STAG1: variants seen among roughly 807,000 people sequenced by gnomAD.
STAG1 encodes the protein cohesin subunit SA-1.
Under a neutral mutation model 170.9 loss-of-function variants are expected in STAG1, and 26 were observed. The observed-to-expected ratio is 0.15, with a 90% CI of 0.11 to 0.21. The LOEUF is 0.21. Among genes scored for constraint, STAG1 ranks in the 10% least tolerant of loss-of-function variants. The probability of loss-of-function intolerance (pLI) is 1.00; values close to 1 mark genes in which losing one functional copy is unlikely to be tolerated. For synonymous variants in STAG1, 514 were observed against 497.7 expected (o/e 1.03, Z -0.44); for missense variants, 964 against 1,509.5 (o/e 0.64, Z 5.99).
At chr3:136,691,252 G>A (rs912125481) in intron 1 of STAG1, among the ~76,000 whole-genome samples, 6 of 151,988 alleles carry the variant, frequency 3.9e-5, no homozygotes, top group Non-Finnish European at 7.4e-5. Flanking sequence ...TGGCTGACAC[G>A]GTGAAACCCC....
At chr3:136,498,233 TACAC>T (rs1276688144) in intron 9 of STAG1, among the ~76,000 whole-genome samples, 24 of 57,340 alleles carry the variant, frequency 4.2e-4, no homozygotes, top group African/African-American at 1.3e-3. Context: ...TATATATATA[TACAC>T]ATACATATAC....
At chr3:136,676,201 GGTGA>G (rs772334336) in intron 1 of STAG1, among the ~76,000 whole-genome samples, 18 of 152,178 alleles carry the variant, frequency 1.2e-4, no homozygotes, top group Non-Finnish European at 1.8e-4. Context: ...AGTTGCTCTA[GGTGA>G]GTGAGTGAGT....
At chr3:136,569,017 C>T (rs1029671546) in intron 4 of STAG1, among the ~76,000 whole-genome samples, 156 bp from the exon 5 acceptor site, 4 of 152,060 alleles carry the variant, frequency 2.6e-5, no homozygotes, top group Non-Finnish European at 5.9e-5. Context: ...AAAGTAGAGA[C>T]TCCCTTATTT....
intron 1 of STAG1, among the ~76,000 whole-genome samples, chr3:136,720,420 G>A (rs1933173909): frequency 6.6e-6 from 1 of 152,170 alleles, no homozygotes; most frequent in South Asian, 2.1e-4. Context: ...CCAGGAGAAT[G>A]TGTCCTGACC....
At chr3:136,567,072 G>A (rs1042372030) in intron 5 of STAG1, among the ~76,000 whole-genome samples, 4 of 152,198 alleles carry the variant, frequency 2.6e-5, no homozygotes, top group African/African-American at 9.7e-5. Flanking sequence ...AGTTAACTAT[G>A]TGTAGATGGA....
chr3:136,379,419 G>A (rs534645626), intron 22 of STAG1, among the ~76,000 whole-genome samples: 1 of 152,260 alleles, frequency 6.6e-6, no homozygotes, highest in East Asian at 1.9e-4. Flanking sequence ...ATTCAAAAAA[G>A]CAGAGGTGGC....
chr3:136,576,444 C>CA (rs1185234961), intron 4 of STAG1, among the ~76,000 whole-genome samples: 2 of 152,056 alleles, frequency 1.3e-5, no homozygotes, highest in African/African-American at 4.8e-5. Context: ...AAAGCTATAA[C>CA]AAGCAGCATC....
At chr3:136,644,702 A>ATT (rs556844163) in intron 1 of STAG1, among the ~76,000 whole-genome samples, 2 of 147,900 alleles carry the variant, frequency 1.4e-5, no homozygotes, top group African/African-American at 5.0e-5. Context: ...TATTTCTGTC[A>ATT]TTTTTTTTTT....
chr3:136,611,196 C>G (rs796924108), intron 3 of STAG1, among the ~76,000 whole-genome samples: 19 of 152,232 alleles, frequency 1.2e-4, no homozygotes, highest in African/African-American at 4.6e-4. Flanking sequence ...GCCGCCCAGG[C>G]TGGATTGCAA....
chr3:136,528,506 A>ACC (rs1364904619), intron 6 of STAG1, among the ~76,000 whole-genome samples: 1 of 40,698 alleles, frequency 2.5e-5, no homozygotes, highest in East Asian at 3.3e-4. Context: ...CCCCCCCCCC[A>ACC]AAAAATCACT....
At chr3:136,411,858 T>C (rs775510860) in intron 21 of STAG1, among the ~76,000 whole-genome samples, 4 of 151,616 alleles carry the variant, frequency 2.6e-5, no homozygotes, top group Non-Finnish European at 4.4e-5. Context: ...AGGCAGAGAA[T>C]TGCTTGAACC....
rs1043461342 is a variant in STAG1 at position 136,715,026 on chromosome 3, T to TA, written c.-84+37168dup. Among the ~76,000 whole-genome samples, 5 of 122,936 alleles carry TA rather than the reference T, an allele frequency of 4.1e-5. No homozygotes were observed. The Admixed American group carries it at 4.5e-4, about 11-fold the overall frequency. 80.7% of individuals were successfully genotyped at this position (122,936 alleles called of 152,430 possible). A position where few individuals can be genotyped will look rare whatever the true frequency, so the allele number is the denominator to read the frequency against. ...ATAATATATATATAAAATATATATA[T>TA]AAAATAAAAGTCAAGATAATTGTTC... On this transcript the variant is annotated intron_variant, in intron 1 of 33. Transcript: ENST00000383202.
intron 26 of STAG1, among the ~76,000 whole-genome samples, chr3:136,360,080 T>A (rs533433169): frequency 6.3e-4 from 96 of 152,334 alleles, no homozygotes; most frequent in African/African-American, 2.3e-3. Flanking sequence ...AAATTGCATA[T>A]CTGTTAGCTA....
chr3:136,694,203 C>T (rs1446228804), intron 1 of STAG1, among the ~76,000 whole-genome samples: 1 of 152,128 alleles, frequency 6.6e-6, no homozygotes, highest in Non-Finnish European at 1.5e-5. Context: ...CAAGTTGATA[C>T]TTATCCCAAT....
intron 3 of STAG1, among the ~76,000 whole-genome samples, chr3:136,615,063 C>T (rs1302126212): frequency 6.6e-6 from 1 of 151,152 alleles, no homozygotes; most frequent in Non-Finnish European, 1.5e-5. Flanking sequence ...TTTTTAGTAC[C>T]GAGAAGCAGG....
intron 7 of STAG1, among the ~76,000 whole-genome samples, chr3:136,504,342 A>G (rs1933646232): frequency 6.6e-6 from 1 of 152,228 alleles, no homozygotes; most frequent in Non-Finnish European, 1.5e-5. Context: ...ATTAGTGACC[A>G]GAAATGGATT....
At chr3:136,662,592 C>T (rs528927879) in intron 1 of STAG1, among the ~76,000 whole-genome samples, 3 of 152,168 alleles carry the variant, frequency 2.0e-5, no homozygotes, top group South Asian at 2.1e-4. Flanking sequence ...ACTCTAGGAG[C>T]GTGCCACCAT....
Position 136,659,659 on chromosome 3 carries a change from G to T in STAG1, c.-83-28678C>A, listed in dbSNP as rs187010524. On this transcript the variant is annotated intron_variant, in intron 1 of 33. Coordinates refer to ENST00000383202, the MANE Select transcript of STAG1 (RefSeq NM_005862.3). The stretch of plus-strand genomic sequence containing the variant: ...ATGTCTGGTATTCTTGACCCAAAAT[G>T]CTATCATGGTTTGTAAATTACTAAA... Among the ~76,000 whole-genome samples, 131 of 152,284 alleles carry T rather than the reference G, an allele frequency of 8.6e-4. 1 individual carries two copies. Among genetic ancestry groups the T allele is most frequent in the Non-Finnish European group, 5.6e-4 (38 of 68,024 alleles).
At chr3:136,379,114 G>C (rs1184903472) in intron 22 of STAG1, among the ~76,000 whole-genome samples, 1 of 152,190 alleles carries the variant, frequency 6.6e-6, no homozygotes, top group African/African-American at 2.4e-5. Flanking sequence ...ACACCCTCTT[G>C]AGAACTTTTC....
Sources: allele counts gnomAD v4.1 joint callset (sites outside exome capture counted in the v4.1 genomes callset), GRCh38; gene constraint gnomAD v4.1.1; transcripts MANE v1.5; gene names NCBI Gene and HGNC (gene_info 2026-07-23, HGNC 2026-07-21).